Variants in PROSER1 observed in about 807,000 individuals in gnomAD.
PROSER1 encodes proline and serine rich 1.
Under a neutral mutation model 71.8 loss-of-function variants are expected in PROSER1, and 36 were observed. That is an observed-to-expected ratio of 0.50 (90% confidence interval 0.38 to 0.66). The LOEUF is 0.66. Among genes scored for constraint, PROSER1 ranks in the 30% least tolerant of loss-of-function variants. The pLI is 0.00. For missense variants in PROSER1, 1,107 were observed against 1,135.0 expected, an observed-to-expected ratio of 0.98 and a Z score of 0.35; for synonymous variants, 490 against 452.4, an observed-to-expected ratio of 1.08 and a Z score of -1.06.
chr13:39,017,786 T>C, intron 9 of PROSER1: 1 of 383,100 alleles, frequency 2.6e-6, no homozygotes, highest in Middle Eastern at 7.2e-4. Context: ...TGAGTGCTCT[T>C]TTATCCCCTA....
At chr13:39,019,357 A>G (rs1264591685) in intron 9 of PROSER1, among the ~76,000 whole-genome samples, 3 of 150,672 alleles carry the variant, frequency 2.0e-5, no homozygotes, top group Non-Finnish European at 3.0e-5. Context: ...CAAAAAAAAA[A>G]AAAAAGAAAA....
intron 1 of PROSER1, among the ~76,000 whole-genome samples, chr13:39,035,808 A>T (rs1162769015): frequency 2.0e-5 from 3 of 152,226 alleles, no homozygotes; most frequent in Non-Finnish European, 4.4e-5. Context: ...AGTAATGCTC[A>T]TATTTAGATA....
rs1386826510 is a variant in PROSER1, at chr13:39,013,336, A to G, written c.1916T>C (p.Leu639Ser). ...SHGTLGLSGT[L>S]GRAYTSTSVP... ...GGATGTTGAAGTATATGCACGGCCC[A>G]ATGTCCCTGACAAACCTAAAGTGCC... The change falls in exon 11 of 13, where the codon TTG becomes TCG. Residue 639 changes from leucine to serine, a missense_variant. Physicochemically the swap from Leu to Ser is moderately radical, Grantham distance 145. Coordinates refer to ENST00000352251, the MANE Select transcript of PROSER1 (RefSeq NM_025138.5). 1 of 1,614,222 alleles carries G rather than the reference A, an allele frequency of 6.2e-7. No homozygotes were observed. The highest frequency in any genetic ancestry group is 8.5e-7 in the Non-Finnish European group (1 of 1,180,048).
rs188005427 is a variant in PROSER1 at position 39,011,505 on chromosome 13, G to A, written c.2713-18C>T. On this transcript the variant is annotated intron_variant, in intron 12 of 12. Transcript: ENST00000352251. ...GAATGGACCTGATGGAAAGAAGAGC[G>A]TGTGGTTTAGCAGAGTGCCAAGTTC... The A allele has an allele frequency of 9.3e-6, 15 of 1,612,472 alleles. No homozygotes were observed. Among genetic ancestry groups the A allele is most frequent in the African/African-American group, 2.7e-5 (2 of 75,022 alleles).
At chr13:39,035,063 T>C (rs1871033926) in intron 1 of PROSER1, among the ~76,000 whole-genome samples, 1 of 152,202 alleles carries the variant, frequency 6.6e-6, no homozygotes, top group East Asian at 1.9e-4. Context: ...CCTTTGCTTG[T>C]ACTATAAAAT....
intron 9 of PROSER1, 78 bp downstream of exon 9, chr13:39,022,248 C>T: frequency 1.0e-6 from 1 of 960,156 alleles, no homozygotes; most frequent in Non-Finnish European, 1.7e-6. Flanking sequence ...TAGAATACGT[C>T]ATGCCAAACA....
At chr13:39,025,094 A>G (rs1870483147) in intron 6 of PROSER1, among the ~76,000 whole-genome samples, 1 of 152,168 alleles carries the variant, frequency 6.6e-6, no homozygotes. Flanking sequence ...GCAATCAGAA[A>G]TGAACTTCCA....
chr13:39,016,072 T>C (rs143047179), intron 10 of PROSER1, among the ~76,000 whole-genome samples: 4 of 152,354 alleles, frequency 2.6e-5, no homozygotes, highest in African/African-American at 7.2e-5. Flanking sequence ...GTATTATTTA[T>C]AGCAGCCTCT....
Position 39,014,461 on chromosome 13 carries a change from G to T in PROSER1, c.791C>A (p.Ala264Glu). ...ACCATGAGGAGAAAAGAGTTGACTTGCTGGGGTGGAAAATGCTATATGGAA... is the reference window on the plus strand; with the variant it reads ...ACCATGAGGAGAAAAGAGTTGACTTTCTGGGGTGGAAAATGCTATATGGAA... ...PIQNQTFSTP[A>E]SQLFSPHGSN... The change falls in exon 11 of 13, where the codon GCA becomes GAA. Residue 264 changes from alanine to glutamate, a missense_variant. By Grantham distance (107) the Ala-to-Glu change is moderately radical (BLOSUM62 -1). Coordinates refer to ENST00000352251, the MANE Select transcript of PROSER1 (RefSeq NM_025138.5). The T allele has an allele frequency of 6.2e-7, 1 of 1,607,368 alleles. No homozygotes were observed. Among genetic ancestry groups the T allele is most frequent in the Non-Finnish European group, 8.5e-7 (1 of 1,174,714 alleles).
At chr13:39,020,353 T>C (rs1870231222) in intron 9 of PROSER1, among the ~76,000 whole-genome samples, 1 of 152,016 alleles carries the variant, frequency 6.6e-6, no homozygotes, top group South Asian at 2.1e-4. Flanking sequence ...AATTACTATA[T>C]AGCTCTCTCT....
At position 39,011,265 on chromosome 13, in the gene PROSER1, A is replaced by AT; in HGVS notation, c.*99dup. 1 of 1,278,190 alleles carries AT rather than the reference A, an allele frequency of 7.8e-7. No homozygotes were observed. The highest frequency in any genetic ancestry group is 1.4e-5 in the South Asian group (1 of 72,534). The allele number at this position is 1,278,190 out of a possible 1,614,324, so 79.2% of individuals were successfully genotyped here. ...TTTCTCCAGGATTACCCTCATTCTC[A>AT]TTTTCCGACTTTTGGCCAGCTTCAC... On this transcript the variant is annotated 3_prime_UTR_variant, in exon 13 of 13. Coordinates refer to ENST00000352251, the MANE Select transcript of PROSER1 (RefSeq NM_025138.5).
At chr13:39,019,829 A>G (rs564909745) in intron 9 of PROSER1, among the ~76,000 whole-genome samples, 8 of 152,098 alleles carry the variant, frequency 5.3e-5, no homozygotes, top group Admixed American at 2.0e-4. Context: ...AATTCCTATT[A>G]AAAGTCTAAC....
intron 4 of PROSER1, 122 bp from the exon 5 acceptor site, chr13:39,028,442 T>C: frequency 2.0e-6 from 1 of 495,162 alleles, no homozygotes; most frequent in Non-Finnish European, 3.6e-6. Context: ...GAGAAAAGTG[T>C]GACTATTTAC....
rs777782579 is a variant in PROSER1, at chr13:39,014,479, A to G, written c.776-3T>C. ...TTGACTTGCTGGGGTGGAAAATGCTATATGGAAGGGGGAAAAAAGGCAAGA... is the reference window on the plus strand; with the variant it reads ...TTGACTTGCTGGGGTGGAAAATGCTGTATGGAAGGGGGAAAAAAGGCAAGA... On this transcript the variant is annotated splice_polypyrimidine_tract_variant and splice_region_variant and intron_variant, in intron 10 of 12. Coordinates refer to ENST00000352251, the MANE Select transcript of PROSER1 (RefSeq NM_025138.5). 2 of 1,592,660 alleles carry G rather than the reference A, an allele frequency of 1.3e-6. No individual in the cohort carries two copies. Among genetic ancestry groups the G allele is most frequent in the African/African-American group, 2.7e-5 (2 of 74,352 alleles).
intron 9 of PROSER1, 33 bp from the exon 10 acceptor site, chr13:39,017,577 C>G: frequency 8.6e-7 from 1 of 1,167,316 alleles, no homozygotes; most frequent in Non-Finnish European, 1.2e-6. Flanking sequence ...TCATTTTAAA[C>G]TTTAATCAAA....
At chr13:39,026,099 AT>A (rs1870532175) in intron 6 of PROSER1, among the ~76,000 whole-genome samples, 177 bp downstream of exon 6, 1 of 152,176 alleles carries the variant, frequency 6.6e-6, no homozygotes. Context: ...TGTTCTATAG[AT>A]TTTATATAGA....
rs149105936 is a variant in PROSER1 at position 39,013,914 on chromosome 13, C to A, written c.1338G>T (p.Pro446=). Residue 446 remains proline, a synonymous_variant, in exon 11 of 13, where the codon CCG becomes CCT. Coordinates refer to ENST00000352251, the MANE Select transcript of PROSER1 (RefSeq NM_025138.5). Reference sequence around the variant, plus strand: ...TAGAGCCACCAGCAATTACAGGAGTCGGGTTGGATAGGCCTTGGGATGTTG... The same window carrying A: ...TAGAGCCACCAGCAATTACAGGAGTAGGGTTGGATAGGCCTTGGGATGTTG... ...LPPTSQGLSN[P]TPVIAGGSTP... 1 of 1,613,948 alleles carries A rather than the reference C, an allele frequency of 6.2e-7. No homozygotes were observed. Among genetic ancestry groups the A allele is most frequent in the African/African-American group, 1.3e-5 (1 of 74,862 alleles).
chr13:39,019,075 T>A (rs184057674), intron 9 of PROSER1, among the ~76,000 whole-genome samples: 1 of 152,254 alleles, frequency 6.6e-6, no homozygotes, highest in Admixed American at 6.5e-5. Context: ...AAGAAAATTA[T>A]AACAGGCACA....
chr13:39,013,506 C>G lies in PROSER1; in HGVS notation c.1746G>C (p.Leu582Phe). ...CTGAGGTACCTGGGTGGGGGCCACG[C>G]AAAAGGGAGGCTGAGGAGCCACAGC... The part of the protein sequence containing the change: ...PVSCGSSASL[L>F]RGPHPGTSDL... The change falls in exon 11 of 13, where the codon TTG becomes TTC. Residue 582 changes from leucine (L) to phenylalanine (F), a missense_variant. Physicochemically the swap from Leu to Phe is conservative, Grantham distance 22. Coordinates refer to ENST00000352251, the MANE Select transcript of PROSER1 (RefSeq NM_025138.5). The G allele has an allele frequency of 6.2e-7, 1 of 1,613,930 alleles. No homozygotes were observed. The highest frequency in any genetic ancestry group is 8.5e-7 in the Non-Finnish European group (1 of 1,179,998).
Sources: allele counts gnomAD v4.1 joint callset (sites outside exome capture counted in the v4.1 genomes callset), GRCh38; gene constraint gnomAD v4.1.1; transcripts MANE v1.5; gene names NCBI Gene and HGNC (gene_info 2026-07-23, HGNC 2026-07-21).